TPRA1: variants seen among roughly 807,000 people sequenced by gnomAD.
The protein encoded by TPRA1 is transmembrane protein adipocyte-associated 1.
Under a neutral mutation model 40.1 loss-of-function variants are expected in TPRA1, and 28 were observed. The ratio of observed to expected loss-of-function variants is 0.70; its 90% CI spans 0.52 to 0.96. The LOEUF (loss-of-function observed/expected upper bound fraction) is 0.96. TPRA1 is among the 40% of genes least tolerant of loss of function. The pLI, the probability that TPRA1 is intolerant of heterozygous loss-of-function variation, is 0.00. For synonymous variants in TPRA1, 219 were observed against 209.7 expected (o/e 1.04, Z -0.38); for missense variants, 441 against 482.6 (o/e 0.91, Z 0.81).
At chr3:127,591,626 T>G (rs1465894204), upstream of TPRA1, among the ~76,000 whole-genome samples, 1 of 152,222 alleles carries the variant, frequency 6.6e-6, no homozygotes, top group Non-Finnish European at 1.5e-5. Flanking sequence ...TGCCACATCA[T>G]GTCCTCTAGA....
intron 1 of TPRA1, among the ~76,000 whole-genome samples, chr3:127,589,922 A>C (rs1026111661): frequency 6.6e-6 from 1 of 152,194 alleles, no homozygotes; most frequent in Non-Finnish European, 1.5e-5. Flanking sequence ...AAGAGGGCAA[A>C]GCCAGCCCCC....
rs1236339219 is a variant in TPRA1, at chr3:127,575,488, C to T, written c.688G>A (p.Val230Met). The T allele has an allele frequency of 4.4e-6, 7 of 1,587,370 alleles. No individual in the cohort carries two copies. Among genetic ancestry groups the T allele is most frequent in the African/African-American group, 4.0e-5 (3 of 74,170 alleles). Residue 230 changes from valine (V) to methionine (M), a missense_variant, in exon 9 of 11, where the codon GTG (valine) becomes ATG (methionine). By Grantham distance (21) the Val-to-Met change is conservative. Transcript: ENST00000355552. ...ISLPSRRSFY[V>M]YAGILALLNL... Reference sequence around the variant, plus strand: ...AGCAGTGCCAGGATGCCCGCATACACGTAGAAGCTCCTCCGAGCTGGGGGC... The same window carrying T: ...AGCAGTGCCAGGATGCCCGCATACATGTAGAAGCTCCTCCGAGCTGGGGGC...
At chr3:127,588,977 AGGGTGGTGAGAAG>A (rs747153476) in intron 1 of TPRA1, among the ~76,000 whole-genome samples, 32 of 152,262 alleles carry the variant, frequency 2.1e-4, no homozygotes, top group South Asian at 1.5e-3. Context: ...TAGGGGCCTA[AGGGTGGTGAGAAG>A]GGGTGGTGAG....
chr3:127,578,223 C>G (rs535966271), intron 3 of TPRA1, among the ~76,000 whole-genome samples: 1 of 152,256 alleles, frequency 6.6e-6, no homozygotes, highest in Non-Finnish European at 1.5e-5. Context: ...GTAAAAGCAA[C>G]AAACTACCAC....
At position 127,581,710 on chromosome 3, in the gene TPRA1, C is replaced by T. The variant is rs866776327; in HGVS notation, c.-17-1547G>A. ...GGCAGATTGCCTGAGCTCAGGAGTTCGGGACCAGCCTAGACAACATGGTGA... is the reference window on the plus strand; with the variant it reads ...GGCAGATTGCCTGAGCTCAGGAGTTTGGGACCAGCCTAGACAACATGGTGA... On this transcript the variant is annotated intron_variant, in intron 1 of 10. Coordinates refer to ENST00000355552, the MANE Select transcript of TPRA1 (RefSeq NM_001136053.4). Among the ~76,000 whole-genome samples, 71 of 150,538 alleles carry T rather than the reference C, an allele frequency of 4.7e-4. No individual in the cohort carries two copies. In the South Asian group the frequency reaches 5.5e-3, roughly 12 times the overall value.
At chr3:127,596,026 T>A (rs1409052703) in intron 1 of TPRA1, among the ~76,000 whole-genome samples, 7 of 151,786 alleles carry the variant, frequency 4.6e-5, no homozygotes, top group African/African-American at 1.7e-4. Context: ...AGATCCCTGA[T>A]CCACAGACAC....
rs113380633 is a variant in TPRA1, at chr3:127,584,158, G to C, written c.-17-3995C>G. Among the ~76,000 whole-genome samples, 664 of 147,220 alleles carry C rather than the reference G, an allele frequency of 4.5e-3. 1 individual carries two copies. Among genetic ancestry groups the C allele is most frequent in the Admixed American group, 8.6e-3 (127 of 14,818 alleles). The stretch of plus-strand genomic sequence containing the variant: ...TGGAAAAAAAAAAAAAAGCAAACTT[G>C]ACAGGGCACAGTGGCTTACACCTGT... On this transcript the variant is annotated intron_variant, in intron 1 of 10. Transcript: ENST00000355552.
At chr3:127,577,756 G>A (rs894579785) in intron 3 of TPRA1, among the ~76,000 whole-genome samples, 1 of 152,166 alleles carries the variant, frequency 6.6e-6, no homozygotes, top group Non-Finnish European at 1.5e-5. Flanking sequence ...GGTTCCAGGT[G>A]AGGCTGAGTC....
chr3:127,580,234 C>T (rs371699534), intron 1 of TPRA1, 71 bp from the exon 2 acceptor site: 3 of 1,516,904 alleles, frequency 2.0e-6, no homozygotes, highest in Non-Finnish European at 2.6e-6. Flanking sequence ...GGACCTGGGA[C>T]TCCCAGGGGA....
intron 10 of TPRA1, 145 bp downstream of exon 10, chr3:127,575,040 G>GTGTGCCCAAGTGCATGTA: frequency 1.2e-6 from 1 of 826,128 alleles, no homozygotes. Flanking sequence ...ATCTGTATGT[G>GTGTGCCCAAGTGCATGTA]TGTGCCCAAG....
chr3:127,595,089 G>A (rs2074228499), upstream of TPRA1, among the ~76,000 whole-genome samples: 1 of 152,254 alleles, frequency 6.6e-6, no homozygotes, highest in African/African-American at 2.4e-5. Flanking sequence ...CAAAGCTGCA[G>A]TCTTTTTGTA....
Position 127,576,175 on chromosome 3 carries a change from C to T in TPRA1, c.499-125G>A. ...CCAAGTTCAGCCTCTTGGCCTGACC[C>T]TCAACTCACCTGCCCCAGTCTGCTC... On this transcript the variant is annotated intron_variant, in intron 6 of 10. Coordinates refer to ENST00000355552, the MANE Select transcript of TPRA1 (RefSeq NM_001136053.4). This position sits in a 1 kb window ranked among gnomAD's most constrained non-coding sequence, Gnocchi z 4.6. 1 of 727,666 alleles carries T rather than the reference C, an allele frequency of 1.4e-6. No homozygotes were observed. Among genetic ancestry groups the T allele is most frequent in the Non-Finnish European group, 2.4e-6 (1 of 424,090 alleles). The allele number at this position is 727,666 out of a possible 1,614,324, so 45.1% of individuals were successfully genotyped here.
chr3:127,598,193 T>TACCTCCGCTCCAGCTCCC (rs1244266809), exon 1 of TPRA1: 2 of 552,080 alleles, frequency 3.6e-6, no homozygotes, highest in Admixed American at 3.2e-5. Context: ...CCTCAGCTTC[T>TACCTCCGCTCCAGCTCCC]ACCTCCGCTC....
chr3:127,578,784 T>A (rs1409598780), intron 3 of TPRA1, among the ~76,000 whole-genome samples: 1 of 151,930 alleles, frequency 6.6e-6, no homozygotes, highest in African/African-American at 2.4e-5. Flanking sequence ...CTCCTCTGAC[T>A]GGGAAGTTCT....
intron 1 of TPRA1, chr3:127,588,199 T>G (rs1201447118): frequency 2.6e-5 from 4 of 152,228 alleles, no homozygotes; most frequent in Non-Finnish European, 5.9e-5. Context: ...TAGAGCTATC[T>G]TCTCAGACCT....
At chr3:127,597,415 T>C (rs572878318) in intron 1 of TPRA1, among the ~76,000 whole-genome samples, 1 of 152,362 alleles carries the variant, frequency 6.6e-6, no homozygotes, top group South Asian at 2.1e-4. Context: ...AATGCTTCCA[T>C]GGCCTTCCAT....
chr3:127,574,802 T>C lies in TPRA1; in HGVS notation c.854+383A>G, dbSNP rs181915178. On this transcript the variant is annotated intron_variant, in intron 10 of 10. Coordinates refer to ENST00000355552, the MANE Select transcript of TPRA1 (RefSeq NM_001136053.4). ...GCATATATATGTATGTATATGTGGA[T>C]ATGTGCATATATCTACATGTATGTA... Among the ~76,000 whole-genome samples, 368 of 152,394 alleles carry C rather than the reference T, an allele frequency of 2.4e-3. 3 individuals are homozygous for C. Among genetic ancestry groups the C allele is most frequent in the African/African-American group, 8.6e-3 (356 of 41,596 alleles).
In TPRA1 at chr3:127,573,321, G is replaced by T; in HGVS notation, c.*200C>A. 1 of 622,586 alleles carries T rather than the reference G, an allele frequency of 1.6e-6. No homozygotes were observed. The highest frequency in any genetic ancestry group is 2.7e-6 in the Non-Finnish European group (1 of 372,268). The allele number at this position is 622,586 out of a possible 1,614,324, so 38.6% of individuals were successfully genotyped here. On this transcript the variant is annotated 3_prime_UTR_variant, in exon 11 of 11. Coordinates refer to ENST00000355552, the MANE Select transcript of TPRA1 (RefSeq NM_001136053.4). The stretch of plus-strand genomic sequence containing the variant: ...AGTATGAGAGCAGGTGGGAAGGGGA[G>T]GAGGGTCCCCAGTGAGAGCAGAGAT...
intron 3 of TPRA1, 128 bp downstream of exon 3, chr3:127,579,612 C>T: frequency 9.3e-7 from 1 of 1,078,984 alleles, no homozygotes; most frequent in Non-Finnish European, 1.3e-6. Flanking sequence ...AGAAACAGAT[C>T]CTAACGATAT....
Sources: gnomAD v4.1 joint callset for allele counts (sites outside exome capture counted in the v4.1 genomes callset) on GRCh38, gnomAD v4.1.1 for gene constraint, Gnocchi (gnomAD v3.1) non-coding constraint, MANE v1.5 for transcripts, NCBI Gene and HGNC (gene_info 2026-07-23, HGNC 2026-07-21) for gene names.